The following LDB2 variants were observed in gnomAD, a reference collection of about 807,000 sequenced individuals.
LDB2 encodes LIM domain-binding protein 2.
Under a neutral mutation model 44.3 loss-of-function variants are expected in LDB2, and 12 were observed. That is an observed-to-expected ratio of 0.27 (90% CI 0.17 to 0.44). The LOEUF (loss-of-function observed/expected upper bound fraction) is 0.44, where lower values mean the gene tolerates loss of function less well. Among genes scored for constraint, LDB2 ranks in the 20% least tolerant of loss-of-function variants. LDB2 has a pLI of 1.00. For missense variants in LDB2, 344 were observed against 473.5 expected (o/e 0.73, Z 2.54); for synonymous variants, 164 against 174.8 (o/e 0.94, Z 0.49).
At chr4:16,538,056 G>A (rs902955282) in intron 5 of LDB2, among the ~76,000 whole-genome samples, 1 of 152,198 alleles carries the variant, frequency 6.6e-6, no homozygotes, top group Admixed American at 6.5e-5. Context: ...TCAGGTGCCT[G>A]AGGAGGCTGG....
intron 1 of LDB2, among the ~76,000 whole-genome samples, chr4:16,841,906 C>A (rs1443651069): frequency 6.6e-6 from 1 of 152,110 alleles, no homozygotes; most frequent in Non-Finnish European, 1.5e-5. Context: ...TATGATGCAA[C>A]CTAACACACC....
chr4:16,780,636 T>C (rs150353732), intron 1 of LDB2, among the ~76,000 whole-genome samples: 1,563 of 152,176 alleles, frequency 0.01, 26 homozygotes, highest in African/African-American at 0.034. Context: ...TCAGTGGAAA[T>C]GACAGCCTTT....
At chr4:16,508,408 CCCT>C in intron 7 of LDB2, 124 bp downstream of exon 7, 1 of 820,364 alleles carries the variant, frequency 1.2e-6, no homozygotes. Flanking sequence ...TGTCTTTTAT[CCCT>C]CCCCCACCTC....
intron 1 of LDB2, among the ~76,000 whole-genome samples, chr4:16,834,841 G>C (rs1487458049): frequency 1.3e-5 from 2 of 150,276 alleles, no homozygotes; most frequent in East Asian, 3.9e-4. Context: ...AAAAAAAAAG[G>C]CAGGAGTCAA....
chr4:16,619,299 C>T (rs1728211249), intron 2 of LDB2, among the ~76,000 whole-genome samples: 1 of 152,110 alleles, frequency 6.6e-6, no homozygotes, highest in African/African-American at 2.4e-5. Flanking sequence ...GGCTACAGAC[C>T]CTGATCAGGA....
At chr4:16,532,541 T>C (rs943267796) in intron 5 of LDB2, among the ~76,000 whole-genome samples, 1 of 152,214 alleles carries the variant, frequency 6.6e-6, no homozygotes, top group Non-Finnish European at 1.5e-5. Context: ...GTGCCAGCTA[T>C]ATTAACACTA....
chr4:16,745,651 A>G (rs1764244216), intron 2 of LDB2, among the ~76,000 whole-genome samples: 1 of 152,190 alleles, frequency 6.6e-6, no homozygotes, highest in African/African-American at 2.4e-5. Context: ...TTAAGAAAGA[A>G]AATTTATAAA....
At chr4:16,752,225 G>T (rs1298115104) in intron 2 of LDB2, among the ~76,000 whole-genome samples, 1 of 152,090 alleles carries the variant, frequency 6.6e-6, no homozygotes, top group Non-Finnish European at 1.5e-5. Context: ...CCTTTCCTCT[G>T]GTCCTCAGTG....
chr4:16,882,790 C>G (rs1257024828), intron 1 of LDB2, among the ~76,000 whole-genome samples: 3 of 152,040 alleles, frequency 2.0e-5, no homozygotes, highest in Non-Finnish European at 4.4e-5. Context: ...TCCCAGCAAG[C>G]AGTTTTTAAA....
intron 2 of LDB2, among the ~76,000 whole-genome samples, chr4:16,740,035 T>C (rs1051833474): frequency 2.0e-5 from 3 of 151,952 alleles, no homozygotes; most frequent in Non-Finnish European, 4.4e-5. Flanking sequence ...GGGAGGTTTT[T>C]TGAACATAAA....
At chr4:16,618,560 C>T (rs1230212449) in intron 2 of LDB2, among the ~76,000 whole-genome samples, 1 of 152,082 alleles carries the variant, frequency 6.6e-6, no homozygotes, top group Non-Finnish European at 1.5e-5. Context: ...TATCCACACG[C>T]ACATATACAG....
chr4:16,740,889 T>A (rs921818944), intron 2 of LDB2, among the ~76,000 whole-genome samples: 1 of 152,194 alleles, frequency 6.6e-6, no homozygotes, highest in Admixed American at 6.5e-5. Flanking sequence ...TCCTTTTAAA[T>A]ACAACTTTCA....
intron 5 of LDB2, among the ~76,000 whole-genome samples, chr4:16,556,588 T>C (rs1025972209): frequency 2.0e-5 from 3 of 152,202 alleles, no homozygotes; most frequent in African/African-American, 7.2e-5. Context: ...CACATAGTCA[T>C]TGCTGCAGCT....
At chr4:16,692,194 C>T (rs1750939584) in intron 2 of LDB2, among the ~76,000 whole-genome samples, 1 of 152,218 alleles carries the variant, frequency 6.6e-6, no homozygotes, top group South Asian at 2.1e-4. Context: ...CATCAAAATG[C>T]AGATGCGTAC....
intron 1 of LDB2, 28 bp downstream of exon 1, chr4:16,898,326 A>G: frequency 6.2e-7 from 1 of 1,603,080 alleles, no homozygotes; most frequent in South Asian, 1.1e-5. Context: ...AAAATACACA[A>G]ACACATCCCC....
At chr4:16,771,510 C>T (rs1329688533) in intron 1 of LDB2, among the ~76,000 whole-genome samples, 1 of 152,194 alleles carries the variant, frequency 6.6e-6, no homozygotes, top group Non-Finnish European at 1.5e-5. Flanking sequence ...AGAGGCATCT[C>T]AGGCTTAACA....
chr4:16,736,121 C>G (rs1019635640), intron 2 of LDB2, among the ~76,000 whole-genome samples: 3 of 152,224 alleles, frequency 2.0e-5, no homozygotes, highest in African/African-American at 7.2e-5. Flanking sequence ...CTCCGGCTCT[C>G]TCATGCTCCT....
In LDB2 at chr4:16,723,199, T is replaced by C. The variant is rs1415224690; in HGVS notation, c.235+35959A>G. Among the ~76,000 whole-genome samples, 4 of 145,004 alleles carry C rather than the reference T, an allele frequency of 2.8e-5. No individual in the cohort carries two copies. In the East Asian group the frequency reaches 8.3e-4, roughly 30 times the overall value. On this transcript the variant is annotated intron_variant, in intron 2 of 7. Coordinates refer to ENST00000304523, the MANE Select transcript of LDB2 (RefSeq NM_001290.5). ...GATAACCTAGCTCCCTGTCTGACTT[T>C]GGTTTTTGTTGCTGTAACAGAATCC...
At chr4:16,534,581 G>A (rs1043174354) in intron 5 of LDB2, among the ~76,000 whole-genome samples, 6 of 152,128 alleles carry the variant, frequency 3.9e-5, no homozygotes, top group African/African-American at 1.4e-4. Context: ...GCTTAAAAGG[G>A]CTTCTGCTTT....
Sources: gnomAD v4.1 joint callset for allele counts (sites outside exome capture counted in the v4.1 genomes callset) on GRCh38, gnomAD v4.1.1 for gene constraint, MANE v1.5 for transcripts, NCBI Gene and HGNC (gene_info 2026-07-23, HGNC 2026-07-21) for gene names.